Variants in HPSE2 observed in about 807,000 individuals in gnomAD.
HPSE2 encodes the protein heparanase 2 (inactive).
Under a neutral mutation model 60.5 loss-of-function variants are expected in HPSE2, and 38 were observed. The ratio of observed to expected loss-of-function variants is 0.63; its 90% CI spans 0.48 to 0.82. The LOEUF (loss-of-function observed/expected upper bound fraction) is 0.82, where lower values mean the gene tolerates loss of function less well. Among genes scored for constraint, HPSE2 ranks in the 40% least tolerant of loss-of-function variants. The pLI is 0.00. For synonymous variants in HPSE2, 295 were observed against 293.2 expected (o/e 1.01, Z -0.06); for missense variants, 713 against 740.4 (o/e 0.96, Z 0.43).
chr10:98,788,825 C>G (rs1258923935), intron 3 of HPSE2, among the ~76,000 whole-genome samples: 13 of 151,270 alleles, frequency 8.6e-5, no homozygotes, highest in Admixed American at 7.9e-4. Flanking sequence ...CGCACACACA[C>G]TGGCCTGCAC....
chr10:98,470,146 C>A (rs546104323), intron 11 of HPSE2, among the ~76,000 whole-genome samples: 1 of 151,214 alleles, frequency 6.6e-6, no homozygotes, highest in Non-Finnish European at 1.5e-5. Flanking sequence ...TGTTAACACA[C>A]GTTTTAAACA....
the HPSE2 span, among the ~76,000 whole-genome samples, chr10:99,287,293 T>C: frequency 1.3e-5 from 2 of 151,842 alleles, no homozygotes; most frequent in Non-Finnish European, 2.9e-5. Context: ...CAAGTTATGA[T>C]TAGGTATGAC....
chr10:99,285,709 G>A, the HPSE2 span, among the ~76,000 whole-genome samples: 1 of 152,068 alleles, frequency 6.6e-6, no homozygotes, highest in Non-Finnish European at 1.5e-5. Flanking sequence ...TGGGTGGATT[G>A]CAGCCAGGAG....
chr10:98,917,159 C>A (rs568154885), intron 3 of HPSE2, among the ~76,000 whole-genome samples: 1 of 152,128 alleles, frequency 6.6e-6, no homozygotes, highest in African/African-American at 2.4e-5. Flanking sequence ...AACTTACATG[C>A]AGACCACCCT....
chr10:98,668,399 A>G (rs1947423297), intron 6 of HPSE2, among the ~76,000 whole-genome samples: 1 of 152,200 alleles, frequency 6.6e-6, no homozygotes. Context: ...TTTTCAAGGA[A>G]GTAGAAAAGA....
intron 7 of HPSE2, among the ~76,000 whole-genome samples, chr10:98,636,538 C>G (rs928947966): frequency 3.3e-5 from 5 of 152,144 alleles, no homozygotes; most frequent in Non-Finnish European, 5.9e-5. Context: ...CTGTGCCCAG[C>G]CAAGTTATCC....
intron 3 of HPSE2, among the ~76,000 whole-genome samples, chr10:99,110,655 A>G (rs1304759033): frequency 1.3e-5 from 2 of 152,156 alleles, no homozygotes; most frequent in Non-Finnish European, 2.9e-5. Flanking sequence ...GAAGAAAAAT[A>G]CCACTTTTAT....
At chr10:98,604,306 T>TAA (rs67248335) in intron 9 of HPSE2, among the ~76,000 whole-genome samples, 31 of 144,700 alleles carry the variant, frequency 2.1e-4, no homozygotes, top group African/African-American at 7.3e-4. Flanking sequence ...AAGAAAGAAC[T>TAA]AAAAAAAAAA....
At chr10:99,238,099 A>G (rs1189617648), upstream of HPSE2, among the ~76,000 whole-genome samples, 3 of 152,214 alleles carry the variant, frequency 2.0e-5, no homozygotes, top group Non-Finnish European at 2.9e-5. Flanking sequence ...GTGTAAAGCC[A>G]TTAGTTCATT....
intron 5 of HPSE2, among the ~76,000 whole-genome samples, chr10:98,696,321 A>G (rs1181168557): frequency 7.4e-6 from 1 of 134,650 alleles, no homozygotes; most frequent in Non-Finnish European, 1.6e-5. Context: ...AAAAAAAACC[A>G]TAATAGCGAG....
intron 2 of HPSE2, among the ~76,000 whole-genome samples, chr10:99,201,165 A>C (rs1848564314): frequency 1.3e-5 from 2 of 152,102 alleles, no homozygotes; most frequent in East Asian, 3.9e-4. Flanking sequence ...AAAAAAATAC[A>C]AATGTCTCCC....
intron 2 of HPSE2, among the ~76,000 whole-genome samples, chr10:99,159,454 T>C (rs960774987): frequency 6.6e-6 from 1 of 152,222 alleles, no homozygotes; most frequent in Non-Finnish European, 1.5e-5. Context: ...TACGAATTCA[T>C]ATATGTAATA....
intron 3 of HPSE2, among the ~76,000 whole-genome samples, chr10:98,846,451 G>A (rs1007784120): frequency 2.0e-5 from 3 of 152,316 alleles, no homozygotes; most frequent in Non-Finnish European, 4.4e-5. Flanking sequence ...AGTATGCTGA[G>A]CATGGAAACA....
intron 3 of HPSE2, among the ~76,000 whole-genome samples, chr10:98,798,152 C>T (rs147303765): frequency 4.6e-5 from 7 of 151,958 alleles, no homozygotes; most frequent in African/African-American, 1.4e-4. Context: ...CCTCACACTC[C>T]AGGAGAAGAG....
chr10:98,973,301 A>G (rs1956004297), intron 3 of HPSE2, among the ~76,000 whole-genome samples: 1 of 152,194 alleles, frequency 6.6e-6, no homozygotes, highest in South Asian at 2.1e-4. Flanking sequence ...CTATATACCC[A>G]TGATTATAAC....
chr10:99,215,357 C>A (rs928658486), intron 2 of HPSE2, among the ~76,000 whole-genome samples: 4 of 152,174 alleles, frequency 2.6e-5, no homozygotes, highest in Non-Finnish European at 4.4e-5. Context: ...CAAACTAACA[C>A]AGGATCAGAA....
At chr10:99,009,338 T>G (rs1022679713) in intron 3 of HPSE2, among the ~76,000 whole-genome samples, 6 of 150,942 alleles carry the variant, frequency 4.0e-5, no homozygotes, top group Non-Finnish European at 8.8e-5. Context: ...GTGAATTGCA[T>G]GAGCCCAGGA....
At chr10:98,788,488 C>T (rs1001887101) in intron 3 of HPSE2, among the ~76,000 whole-genome samples, 33 of 142,066 alleles carry the variant, frequency 2.3e-4, no homozygotes, top group South Asian at 1.3e-3. Context: ...TCGAGCTTCC[C>T]GGCTGCTTTG....
At chr10:98,596,827 G>A (rs1945252671) in intron 9 of HPSE2, among the ~76,000 whole-genome samples, 1 of 152,034 alleles carries the variant, frequency 6.6e-6, no homozygotes, top group Non-Finnish European at 1.5e-5. Context: ...ATATATCTTA[G>A]TGTAGTCTTG....
Sources: allele counts gnomAD v4.1 joint callset (sites outside exome capture counted in the v4.1 genomes callset), GRCh38; gene constraint gnomAD v4.1.1; transcripts MANE v1.5; gene names NCBI Gene and HGNC (gene_info 2026-07-23, HGNC 2026-07-21).